The following PDSS2 variants were observed in gnomAD, a reference collection of about 807,000 sequenced individuals.
The protein encoded by PDSS2 is all trans-polyprenyl-diphosphate synthase PDSS2.
Under a neutral mutation model 44.5 loss-of-function variants are expected in PDSS2, and 31 were observed. That is an observed-to-expected ratio of 0.70 (90% CI 0.52 to 0.94). PDSS2 has a LOEUF of 0.94. Ranked by LOEUF, PDSS2 falls within the 40% of genes least tolerant of loss-of-function variation. The probability of loss-of-function intolerance (pLI) is 0.00; values close to 1 mark genes in which losing one functional copy is unlikely to be tolerated. For synonymous variants in PDSS2, 157 were observed against 180.3 expected (o/e 0.87, Z 1.03); for missense variants, 452 against 482.2 (o/e 0.94, Z 0.59).
chr6:107,193,814 C>A lies in PDSS2; in HGVS notation c.1041+8G>T. 6.6e-7 allele frequency: 1 copy of A among 1,521,482 alleles called. No individual in the cohort carries two copies. The highest frequency in any genetic ancestry group is 9.1e-7 in the Non-Finnish European group (1 of 1,095,350). The allele number at this position is 1,521,482 out of a possible 1,614,324, so 94.2% of individuals were successfully genotyped here. On this transcript the variant is annotated splice_region_variant and intron_variant, in intron 7 of 7. Coordinates refer to ENST00000369037, the MANE Select transcript of PDSS2 (RefSeq NM_020381.4). ...TAAAATAGTACAGTATGTATAAAAT[C>A]TGCCTACCTTAGCATAGTCCAATCT... is the stretch of plus-strand genomic sequence containing the variant.
chr6:107,230,986 A>T (rs1774029737), intron 4 of PDSS2, among the ~76,000 whole-genome samples: 1 of 152,120 alleles, frequency 6.6e-6, no homozygotes, highest in Non-Finnish European at 1.5e-5. Flanking sequence ...AGGCATGAGG[A>T]TCCCTTGAAC....
chr6:107,183,322 C>T (rs565941524), intron 7 of PDSS2, among the ~76,000 whole-genome samples: 1 of 151,998 alleles, frequency 6.6e-6, no homozygotes, highest in Non-Finnish European at 1.5e-5. Flanking sequence ...ATTACAAGTC[C>T]CTTATGGAAC....
chr6:107,252,133 C>T (rs891185030), intron 3 of PDSS2, among the ~76,000 whole-genome samples: 5 of 152,134 alleles, frequency 3.3e-5, no homozygotes, highest in Non-Finnish European at 2.9e-5. Context: ...AATCTACTCA[C>T]CCACCACCTG....
At chr6:107,369,219 A>T (rs1779056750) in intron 1 of PDSS2, among the ~76,000 whole-genome samples, 2 of 152,192 alleles carry the variant, frequency 1.3e-5, no homozygotes, top group South Asian at 4.1e-4. Context: ...GGAGTTCGAG[A>T]CTAGCCTGGC....
chr6:107,169,450 G>C (rs1045942232), intron 7 of PDSS2, among the ~76,000 whole-genome samples: 1 of 152,246 alleles, frequency 6.6e-6, no homozygotes, highest in Non-Finnish European at 1.5e-5. Context: ...GGAGAAGTCT[G>C]ATCATCTGAA....
chr6:107,350,043 A>T (rs1778384032), intron 1 of PDSS2, among the ~76,000 whole-genome samples: 1 of 152,176 alleles, frequency 6.6e-6, no homozygotes, highest in Non-Finnish European at 1.5e-5. Flanking sequence ...ATTTTGTAGA[A>T]GTTCTCTCAG....
At chr6:107,270,438 A>C (rs1775563788) in intron 3 of PDSS2, among the ~76,000 whole-genome samples, 1 of 151,964 alleles carries the variant, frequency 6.6e-6, no homozygotes, top group African/African-American at 2.4e-5. Context: ...TCTGACATCC[A>C]CCGTGCCTGG....
At position 107,251,705 on chromosome 6, in the gene PDSS2, G is replaced by A. The variant is rs563247797; in HGVS notation, c.631-6086C>T. 3.6e-4 allele frequency among the ~76,000 whole-genome samples: 55 copies of A among 152,186 alleles called. No homozygotes were observed. The South Asian group carries it at 6.0e-3, about 17-fold the overall frequency. ...TTGAAAGAGCTTTGGAATTTGAAGG[G>A]ATATTGTCAAAATTTCTTTTTGAGC... is the stretch of plus-strand genomic sequence containing the variant. On this transcript the variant is annotated intron_variant, in intron 3 of 7. Coordinates refer to ENST00000369037, the MANE Select transcript of PDSS2 (RefSeq NM_020381.4).
intron 2 of PDSS2, among the ~76,000 whole-genome samples, chr6:107,328,032 T>G (rs1185268648): frequency 6.6e-6 from 1 of 152,182 alleles, no homozygotes; most frequent in East Asian, 1.9e-4. Context: ...CAGATAGAGA[T>G]TTAAATGAAT....
intron 2 of PDSS2, among the ~76,000 whole-genome samples, chr6:107,316,243 T>C (rs930056023): frequency 1.3e-5 from 2 of 152,204 alleles, no homozygotes; most frequent in African/African-American, 2.4e-5. Flanking sequence ...CATCCTTGTA[T>C]CTTTCCCCTT....
chr6:107,394,497 C>T (rs1779880405), intron 1 of PDSS2, among the ~76,000 whole-genome samples: 2 of 151,338 alleles, frequency 1.3e-5, no homozygotes. Flanking sequence ...AACTCACTAC[C>T]ATGAGGACAG....
intron 1 of PDSS2, among the ~76,000 whole-genome samples, chr6:107,407,981 G>A (rs1780375439): frequency 6.6e-6 from 1 of 152,066 alleles, no homozygotes; most frequent in Non-Finnish European, 1.5e-5. Flanking sequence ...TTACAAGTGT[G>A]AGCCACCACA....
chr6:107,239,336 G>A (rs1774336889), intron 4 of PDSS2, among the ~76,000 whole-genome samples: 1 of 152,072 alleles, frequency 6.6e-6, no homozygotes, highest in Admixed American at 6.6e-5. Flanking sequence ...CCCCCAAAAT[G>A]TGAAATTGTT....
At chr6:107,391,160 A>C (rs1583026443) in intron 1 of PDSS2, among the ~76,000 whole-genome samples, 2 of 152,138 alleles carry the variant, frequency 1.3e-5, no homozygotes, top group East Asian at 3.9e-4. Flanking sequence ...ATTCTTGTGG[A>C]AGAGATAATA....
chr6:107,234,364 C>T (rs375878018), intron 4 of PDSS2, among the ~76,000 whole-genome samples: 2 of 152,164 alleles, frequency 1.3e-5, no homozygotes, highest in East Asian at 3.9e-4. Flanking sequence ...TGCCACTATG[C>T]CCGGCTAATT....
intron 3 of PDSS2, among the ~76,000 whole-genome samples, chr6:107,270,301 G>A (rs938997383): frequency 2.6e-5 from 4 of 151,658 alleles, no homozygotes; most frequent in Non-Finnish European, 4.4e-5. Flanking sequence ...TAGTAGAGAC[G>A]GGATTTCACC....
intron 2 of PDSS2, among the ~76,000 whole-genome samples, chr6:107,285,423 T>C (rs1776107147): frequency 6.6e-6 from 1 of 151,878 alleles, no homozygotes; most frequent in African/African-American, 2.4e-5. Context: ...GGCAGGAGGA[T>C]TGCTTCAGCC....
At chr6:107,286,269 A>T (rs1215329257) in intron 2 of PDSS2, among the ~76,000 whole-genome samples, 1 of 152,126 alleles carries the variant, frequency 6.6e-6, no homozygotes, top group Non-Finnish European at 1.5e-5. Flanking sequence ...GCACTTTGGG[A>T]GGCTGAGGTG....
intron 1 of PDSS2, among the ~76,000 whole-genome samples, chr6:107,429,607 G>A (rs1452568805): frequency 2.0e-5 from 3 of 151,876 alleles, no homozygotes; most frequent in Non-Finnish European, 4.4e-5. Context: ...AACCTAGGGT[G>A]GGCGCGGTGG....
Sources: allele counts gnomAD v4.1 joint callset (sites outside exome capture counted in the v4.1 genomes callset), GRCh38; gene constraint gnomAD v4.1.1; transcripts MANE v1.5; gene names NCBI Gene and HGNC (gene_info 2026-07-23, HGNC 2026-07-21).